Variants in MTAP observed in about 807,000 individuals in gnomAD.
MTAP encodes the protein S-methyl-5'-thioadenosine phosphorylase.
In MTAP, 33 loss-of-function variants were observed where a neutral mutation model predicts 33.6. That is an observed-to-expected ratio of 0.98 (90% CI 0.74 to 1.31). MTAP has a LOEUF of 1.31. Ranked by LOEUF, MTAP falls within the 40% of genes most tolerant of loss-of-function variation. MTAP has a pLI of 0.00. For missense variants in MTAP, 367 were observed against 360.0 expected (o/e 1.02, Z -0.16); for synonymous variants, 148 against 125.7 (o/e 1.18, Z -1.19).
chr9:21,902,867 A>G (rs1166830901), intron 1 of MTAP, among the ~76,000 whole-genome samples: 1 of 152,252 alleles, frequency 6.6e-6, no homozygotes. Flanking sequence ...AAAGCAAATG[A>G]TTAAGGTAAG....
intron 5 of MTAP, 86 bp downstream of exon 5, chr9:21,838,096 T>G: frequency 9.5e-7 from 1 of 1,057,826 alleles, no homozygotes; most frequent in East Asian, 2.4e-5. Flanking sequence ...GCAGAGCGAG[T>G]GGCCCCATAC....
intron 4 of MTAP, among the ~76,000 whole-genome samples, chr9:21,824,702 G>A (rs1307636998): frequency 6.6e-6 from 1 of 152,164 alleles, no homozygotes; most frequent in Non-Finnish European, 1.5e-5. Context: ...CCCAGAGTTG[G>A]AGTCTACAGA....
At chr9:21,846,583 A>G (rs1371884792) in intron 5 of MTAP, among the ~76,000 whole-genome samples, 1 of 152,206 alleles carries the variant, frequency 6.6e-6, no homozygotes, top group East Asian at 1.9e-4. Flanking sequence ...ACATCAAAAA[A>G]TAATAGATAT....
intron 1 of MTAP, 86 bp downstream of exon 1, chr9:21,802,867 A>T (rs779907646): frequency 7.0e-6 from 11 of 1,561,844 alleles, no homozygotes; most frequent in African/African-American, 6.9e-5. Flanking sequence ...TCCGGGGGCC[A>T]TGCGCCCGGC....
At chr9:21,913,456 G>T (rs1441756535) in intron 1 of MTAP, among the ~76,000 whole-genome samples, 1 of 152,128 alleles carries the variant, frequency 6.6e-6, no homozygotes, top group Non-Finnish European at 1.5e-5. Context: ...ACAGAATAGA[G>T]CCCATGGAAA....
rs759339649 is a variant in MTAP at position 21,818,067 on chromosome 9, A to G, written c.212A>G (p.Lys71Arg). ...AGGCAGCACACCATCATGCCTTCAA[A>G]GGTCAACTACCAGGCGAACATCTGG... Reference protein sequence around the residue: ...HGRQHTIMPSKVNYQANIWAL... With the variant: ...HGRQHTIMPSRVNYQANIWAL... The change falls in exon 4 of 8, where the codon AAG becomes AGG. Residue 71 changes from lysine (K) to arginine (R), a missense_variant. Physicochemically the swap from Lys to Arg is conservative, Grantham distance 26 (BLOSUM62 2). Coordinates refer to ENST00000644715, the MANE Select transcript of MTAP (RefSeq NM_002451.4). 27 of 1,613,374 alleles carry G rather than the reference A, an allele frequency of 1.7e-5. No homozygotes were observed. The highest frequency in any genetic ancestry group is 2.3e-5 in the Non-Finnish European group (27 of 1,179,774).
At chr9:21,912,286 G>A (rs1818591621) in intron 1 of MTAP, among the ~76,000 whole-genome samples, 1 of 152,136 alleles carries the variant, frequency 6.6e-6, no homozygotes. Flanking sequence ...ATTTTATGAG[G>A]CCAGCATCAT....
At chr9:21,895,061 T>C (rs1318346584) in intron 1 of MTAP, among the ~76,000 whole-genome samples, 1 of 152,190 alleles carries the variant, frequency 6.6e-6, no homozygotes, top group East Asian at 1.9e-4. Flanking sequence ...TCCGTGCTCA[T>C]AGATAGGAAG....
chr9:21,827,308 C>G (rs951878266), intron 4 of MTAP, among the ~76,000 whole-genome samples: 6 of 152,218 alleles, frequency 3.9e-5, no homozygotes, highest in Non-Finnish European at 5.9e-5. Context: ...TATCTCTGAG[C>G]TTACTGTACT....
intron 1 of MTAP, among the ~76,000 whole-genome samples, chr9:21,907,264 A>G (rs973643945): frequency 6.6e-6 from 1 of 152,222 alleles, no homozygotes; most frequent in African/African-American, 2.4e-5. Flanking sequence ...TTTGTATATA[A>G]GGCTAGGCGC....
At chr9:21,904,080 C>A (rs1018103939) in intron 1 of MTAP, among the ~76,000 whole-genome samples, 1 of 152,264 alleles carries the variant, frequency 6.6e-6, no homozygotes, top group Non-Finnish European at 1.5e-5. Flanking sequence ...TCAGGCCACT[C>A]GGCAGCCTGG....
chr9:21,853,686 A>G (rs1027016747), intron 5 of MTAP, among the ~76,000 whole-genome samples: 2 of 152,220 alleles, frequency 1.3e-5, no homozygotes, highest in African/African-American at 4.8e-5. Context: ...AGACCAGCTT[A>G]GTGCATACAG....
intron 4 of MTAP, among the ~76,000 whole-genome samples, chr9:21,826,970 A>G (rs575089324): frequency 6.6e-6 from 1 of 152,134 alleles, no homozygotes; most frequent in South Asian, 2.1e-4. Context: ...TGCACTCCTT[A>G]TGAAAATCTA....
intron 1 of MTAP, among the ~76,000 whole-genome samples, chr9:21,891,222 A>G (rs1481535500): frequency 1.3e-5 from 2 of 152,152 alleles, no homozygotes; most frequent in Admixed American, 1.3e-4. Flanking sequence ...TGGAAATTCA[A>G]AAAGCCAAAG....
chr9:21,843,304 A>G (rs1284025417), intron 5 of MTAP, among the ~76,000 whole-genome samples: 1 of 152,218 alleles, frequency 6.6e-6, no homozygotes, highest in Non-Finnish European at 1.5e-5. Context: ...AGATGGTAAC[A>G]CAATAATAGT....
At chr9:21,917,920 CAAT>C (rs1563870542) in intron 1 of MTAP, among the ~76,000 whole-genome samples, 1 of 152,098 alleles carries the variant, frequency 6.6e-6, no homozygotes, top group African/African-American at 2.4e-5. Context: ...TAAAAAGGAA[CAAT>C]AATAATGTCT....
intron 1 of MTAP, among the ~76,000 whole-genome samples, chr9:21,883,838 G>C (rs1029883930): frequency 1.7e-4 from 26 of 152,002 alleles, no homozygotes; most frequent in African/African-American, 5.1e-4. Context: ...GAAAGCAGAA[G>C]ACCAGAGCAT....
At chr9:21,940,002 C>T (rs111235912), downstream of MTAP, among the ~76,000 whole-genome samples, 7 of 151,054 alleles carry the variant, frequency 4.6e-5, 1 homozygote, top group South Asian at 2.1e-4. Flanking sequence ...TATGACCAGC[C>T]GGGTGTGGTG....
Position 21,865,408 on chromosome 9 carries a change from A to G in MTAP, c.*3394A>G. ...CTTTATAAATTACCCAGTCATGGGC[A>G]GTCCTTTACAGCAGCATGAGAATGG... is the stretch of plus-strand genomic sequence containing the variant. On this transcript the variant is annotated 3_prime_UTR_variant, in exon 8 of 8. Transcript: ENST00000644715. 1.0e-6 allele frequency: 1 copy of G among 976,226 alleles called. No individual in the cohort carries two copies. Among genetic ancestry groups the G allele is most frequent in the South Asian group, 4.7e-5 (1 of 21,104 alleles). 60.5% of individuals were successfully genotyped at this position (976,226 alleles called of 1,614,324 possible).
Sources: allele counts gnomAD v4.1 joint callset (sites outside exome capture counted in the v4.1 genomes callset), GRCh38; gene constraint gnomAD v4.1.1; transcripts MANE v1.5; gene names NCBI Gene and HGNC (gene_info 2026-07-23, HGNC 2026-07-21).